SH3GL3: variants seen among roughly 807,000 people sequenced by gnomAD.
SH3GL3 encodes the protein endophilin-A3.
A neutral mutation model predicts 47.7 loss-of-function variants in SH3GL3; 33 were observed. That is an observed-to-expected ratio of 0.69 (90% CI 0.52 to 0.92). The LOEUF is 0.92. SH3GL3 is among the 40% of genes least tolerant of loss of function. The probability of loss-of-function intolerance (pLI) is 0.00; values close to 1 mark genes in which losing one functional copy is unlikely to be tolerated. For synonymous variants in SH3GL3, 155 were observed against 148.8 expected, an observed-to-expected ratio of 1.04 and a Z score of -0.30; for missense variants, 363 against 417.8, an observed-to-expected ratio of 0.87 and a Z score of 1.14.
At chr15:83,605,863 G>T (rs1209350769) in intron 8 of SH3GL3, among the ~76,000 whole-genome samples, 1 of 152,136 alleles carries the variant, frequency 6.6e-6, no homozygotes, top group Non-Finnish European at 1.5e-5. Flanking sequence ...GTTGAAACAT[G>T]TGCCTGTGTA....
At chr15:83,485,891 ACTATGAATAC>A (rs1408589421) in intron 1 of SH3GL3, among the ~76,000 whole-genome samples, 1 of 152,242 alleles carries the variant, frequency 6.6e-6, no homozygotes, top group Non-Finnish European at 1.5e-5. Flanking sequence ...AGAGAAAAAT[ACTATGAATAC>A]CTCTACCCCA....
At chr15:83,481,700 A>G (rs1313956539) in intron 1 of SH3GL3, among the ~76,000 whole-genome samples, 2 of 152,174 alleles carry the variant, frequency 1.3e-5, no homozygotes, top group African/African-American at 4.8e-5. Context: ...AGACTAAAGG[A>G]TTGATCGTTT....
intron 1 of SH3GL3, among the ~76,000 whole-genome samples, chr15:83,465,609 T>G (rs553003626): frequency 1.3e-5 from 2 of 152,184 alleles, no homozygotes; most frequent in East Asian, 3.9e-4. Flanking sequence ...AGTTCCTTCT[T>G]GTCATTCACA....
At chr15:83,449,378 TGAGCAGAGCA>T (rs201654878) in intron 1 of SH3GL3, among the ~76,000 whole-genome samples, 1 of 152,168 alleles carries the variant, frequency 6.6e-6, no homozygotes, top group East Asian at 1.9e-4. Flanking sequence ...AGTGCTGCTG[TGAGCAGAGCA>T]GAGCAGAGCA....
At chr15:83,588,910 T>C in intron 8 of SH3GL3, 139 bp downstream of exon 8, 1 of 612,748 alleles carries the variant, frequency 1.6e-6, no homozygotes, top group East Asian at 2.8e-5. Context: ...AATTCCCTTT[T>C]CCCCTAAACG....
intron 8 of SH3GL3, among the ~76,000 whole-genome samples, chr15:83,597,207 C>G (rs1449610317): frequency 2.0e-5 from 3 of 152,148 alleles, no homozygotes; most frequent in Non-Finnish European, 4.4e-5. Flanking sequence ...GCCTCATTGC[C>G]CCTTGCTCCA....
intron 1 of SH3GL3, among the ~76,000 whole-genome samples, chr15:83,546,437 T>G (rs1261867151): frequency 6.6e-6 from 1 of 151,530 alleles, no homozygotes; most frequent in Admixed American, 6.6e-5. Flanking sequence ...GTGGGTTCCC[T>G]TCTGGCCCAG....
intron 5 of SH3GL3, among the ~76,000 whole-genome samples, chr15:83,573,978 T>C (rs1250602058): frequency 6.6e-6 from 1 of 152,154 alleles, no homozygotes; most frequent in Non-Finnish European, 1.5e-5. Context: ...TCAGCCTGGA[T>C]GGGTCAGGGA....
rs1010772436 is a variant in SH3GL3, at chr15:83,595,888, C to G, written c.838+7117C>G. Among the ~76,000 whole-genome samples, 7 of 151,910 alleles carry G rather than the reference C, an allele frequency of 4.6e-5. 1 individual carries two copies. Among genetic ancestry groups the G allele is most frequent in the Admixed American group, 3.9e-4 (6 of 15,264 alleles). ...TTGGTAATTTTTGTCTTTTTCTTTT[C>G]TTAATCATTTTAGCTATAGATTTAT... On this transcript the variant is annotated intron_variant, in intron 8 of 8. Transcript: ENST00000427482.
chr15:83,534,121 C>G (rs74024510), intron 1 of SH3GL3, among the ~76,000 whole-genome samples: 253 of 152,212 alleles, frequency 1.7e-3, no homozygotes, highest in African/African-American at 5.9e-3. Context: ...GGTGATTAGG[C>G]CATGAGGTCT....
the SH3GL3 span, among the ~76,000 whole-genome samples, chr15:83,630,880 C>T: frequency 6.6e-6 from 1 of 152,214 alleles, no homozygotes; most frequent in South Asian, 2.1e-4. Context: ...TTCCAACAGT[C>T]CCCCAAAGTC....
intron 1 of SH3GL3, among the ~76,000 whole-genome samples, chr15:83,551,923 C>A (rs2044689376): frequency 6.6e-6 from 1 of 152,148 alleles, no homozygotes; most frequent in Non-Finnish European, 1.5e-5. Context: ...TTTGCTTATA[C>A]TATTCTTTCT....
At chr15:83,457,137 T>A (rs1437500859) in intron 1 of SH3GL3, among the ~76,000 whole-genome samples, 1 of 152,232 alleles carries the variant, frequency 6.6e-6, no homozygotes, top group Non-Finnish European at 1.5e-5. Context: ...CTATGTGTGT[T>A]CTGACCTGGA....
chr15:83,528,587 T>C (rs1449775524), intron 1 of SH3GL3, among the ~76,000 whole-genome samples: 3 of 152,184 alleles, frequency 2.0e-5, no homozygotes, highest in Admixed American at 6.5e-5. Context: ...TAGTCTATTG[T>C]TGAACCTCTT....
chr15:83,557,871 A>T (rs889439378), intron 1 of SH3GL3, among the ~76,000 whole-genome samples: 3 of 152,208 alleles, frequency 2.0e-5, no homozygotes, highest in African/African-American at 7.2e-5. Flanking sequence ...AACTGTAAAG[A>T]CGCAGGACAG....
intron 5 of SH3GL3, among the ~76,000 whole-genome samples, chr15:83,573,563 T>C (rs1052525112): frequency 1.1e-4 from 17 of 152,200 alleles, no homozygotes; most frequent in Admixed American, 1.1e-3. Context: ...AAACCACTGT[T>C]CCAGCCCATC....
At chr15:83,622,669 CTGGCTTG>C (rs2060918201), downstream of SH3GL3, among the ~76,000 whole-genome samples, 2 of 152,234 alleles carry the variant, frequency 1.3e-5, no homozygotes, top group South Asian at 4.1e-4. Flanking sequence ...TGTTTCTTCC[CTGGCTTG>C]TGGCCTCAGC....
intron 1 of SH3GL3, among the ~76,000 whole-genome samples, chr15:83,516,768 A>T (rs2042995461): frequency 6.6e-6 from 1 of 152,180 alleles, no homozygotes; most frequent in Non-Finnish European, 1.5e-5. Context: ...ACAATTGAAC[A>T]TGAGATTTGG....
intron 1 of SH3GL3, among the ~76,000 whole-genome samples, chr15:83,552,719 T>A (rs2044725291): frequency 1.3e-5 from 2 of 152,226 alleles, no homozygotes; most frequent in Admixed American, 1.3e-4. Flanking sequence ...ACCAAGGTTA[T>A]TATTTTGGTC....
Sources: gnomAD v4.1 joint callset for allele counts (sites outside exome capture counted in the v4.1 genomes callset) on GRCh38, gnomAD v4.1.1 for gene constraint, MANE v1.5 for transcripts, NCBI Gene and HGNC (gene_info 2026-07-23, HGNC 2026-07-21) for gene names.